ZPBP: variants seen among roughly 807,000 people sequenced by gnomAD.
ZPBP encodes the protein zona pellucida-binding protein 1.
Under a neutral mutation model 44.8 loss-of-function variants are expected in ZPBP, and 26 were observed. That is an observed-to-expected ratio of 0.58 (90% CI 0.43 to 0.81). ZPBP has a LOEUF of 0.81. ZPBP is among the 30% of genes least tolerant of loss of function. ZPBP has a pLI of 0.00. For missense variants in ZPBP, 409 were observed against 434.0 expected (o/e 0.94, Z 0.51); for synonymous variants, 174 against 153.2 (o/e 1.14, Z -1.00).
At chr7:50,014,557 C>T (rs931049882) in intron 6 of ZPBP, among the ~76,000 whole-genome samples, 12 of 150,714 alleles carry the variant, frequency 8.0e-5, no homozygotes, top group South Asian at 2.1e-4. Flanking sequence ...CTTCACCTCC[C>T]GGGTTCAAGT....
At chr7:50,016,939 T>C (rs1329395381) in intron 6 of ZPBP, among the ~76,000 whole-genome samples, 8 of 152,076 alleles carry the variant, frequency 5.3e-5, no homozygotes, top group South Asian at 2.1e-4. Context: ...TAAATGAAGA[T>C]ATGAGATAAT....
At chr7:49,990,619 TG>T (rs57607905) in intron 6 of ZPBP, among the ~76,000 whole-genome samples, 4,119 of 150,982 alleles carry the variant, frequency 0.027, 211 homozygotes, top group African/African-American at 0.095. Context: ...TAAGTATATA[TG>T]GGGGGGGACT....
chr7:49,987,970 G>T (rs1361402139), intron 6 of ZPBP, among the ~76,000 whole-genome samples: 1 of 152,084 alleles, frequency 6.6e-6, no homozygotes, highest in Non-Finnish European at 1.5e-5. Context: ...AGGGTTAAAG[G>T]ACTGTTTTGA....
At chr7:49,922,562 C>T (rs544959831) in intron 1 of ZPBP, among the ~76,000 whole-genome samples, 12 of 152,246 alleles carry the variant, frequency 7.9e-5, no homozygotes, top group East Asian at 3.9e-4. Context: ...ACCAGACCAA[C>T]GGCTGGAAAA....
intron 3 of ZPBP, among the ~76,000 whole-genome samples, chr7:50,058,871 CT>C (rs11325197): frequency 0.83 from 125,655 of 151,640 alleles, 52,098 homozygotes; most frequent in East Asian, 0.88. Flanking sequence ...GGCATTGACA[CT>C]TGGGGTTTGA....
At chr7:49,887,344 T>A (rs1031093816) in intron 2 of ZPBP, among the ~76,000 whole-genome samples, 3 of 152,244 alleles carry the variant, frequency 2.0e-5, no homozygotes, top group South Asian at 4.1e-4. Flanking sequence ...ATTTGTTTTA[T>A]GTTTGCCTCC....
chr7:49,883,953 C>G (rs1791787336), intron 2 of ZPBP, among the ~76,000 whole-genome samples: 1 of 152,212 alleles, frequency 6.6e-6, no homozygotes, highest in Non-Finnish European at 1.5e-5. Context: ...AGCAATCCCC[C>G]TTAGGTGTGA....
At chr7:49,957,136 A>G (rs1795637316) in intron 7 of ZPBP, among the ~76,000 whole-genome samples, 1 of 152,106 alleles carries the variant, frequency 6.6e-6, no homozygotes, top group East Asian at 1.9e-4. Context: ...TTCCATCATA[A>G]GGTTACACAA....
chr7:49,852,590 CTTTT>C (rs1454402053), intron 2 of ZPBP, among the ~76,000 whole-genome samples: 1 of 151,612 alleles, frequency 6.6e-6, no homozygotes, highest in Non-Finnish European at 1.5e-5. Flanking sequence ...GTTTCTGTGG[CTTTT>C]TGAGAAGTGA....
chr7:50,082,329 T>C (rs1584194347), intron 2 of ZPBP, among the ~76,000 whole-genome samples: 1 of 151,908 alleles, frequency 6.6e-6, no homozygotes, highest in African/African-American at 2.4e-5. Flanking sequence ...TTCACAATGA[T>C]GTAGCATGAT....
intron 7 of ZPBP, among the ~76,000 whole-genome samples, chr7:49,957,607 G>A (rs887319373): frequency 1.1e-4 from 16 of 152,174 alleles, no homozygotes; most frequent in Non-Finnish European, 2.2e-4. Flanking sequence ...TCTTCAGGCA[G>A]GCAGAATGCA....
At chr7:50,068,757 G>A (rs1174019914) in intron 3 of ZPBP, among the ~76,000 whole-genome samples, 2 of 152,102 alleles carry the variant, frequency 1.3e-5, no homozygotes, top group Non-Finnish European at 2.9e-5. Flanking sequence ...ATTTATGCCT[G>A]GTATCTCCTT....
At chr7:50,083,126 T>C (rs145752145) in intron 2 of ZPBP, among the ~76,000 whole-genome samples, 178 of 151,968 alleles carry the variant, frequency 1.2e-3, no homozygotes, top group Non-Finnish European at 1.7e-3. Context: ...ATACCATGAC[T>C]GTACCCTTCC....
At chr7:49,943,140 T>G (rs376534094) in intron 7 of ZPBP, 65 of 327,234 alleles carry the variant, frequency 2.0e-4, no homozygotes, top group African/African-American at 8.0e-4. Flanking sequence ...TACTCCACCC[T>G]TTAGTAACTT....
chr7:49,865,215 G>C (rs1049773921), intron 2 of ZPBP, among the ~76,000 whole-genome samples: 1 of 152,170 alleles, frequency 6.6e-6, no homozygotes, highest in Non-Finnish European at 1.5e-5. Flanking sequence ...TGTGGTCCGT[G>C]GGGTAGGAGA....
chr7:50,019,073 T>A (rs1798957961), intron 5 of ZPBP, among the ~76,000 whole-genome samples: 1 of 152,032 alleles, frequency 6.6e-6, no homozygotes. Flanking sequence ...TAAACACAGG[T>A]ATAATGTAAA....
intron 4 of ZPBP, among the ~76,000 whole-genome samples, chr7:50,054,066 T>C (rs1029994800): frequency 6.6e-5 from 10 of 152,124 alleles, no homozygotes; most frequent in African/African-American, 2.4e-4. Flanking sequence ...TTTTTTTGTA[T>C]TTTTAGTAGA....
chr7:50,081,951 T>G, intron 2 of ZPBP, 52 bp from the exon 3 acceptor site: 3 of 1,589,874 alleles, frequency 1.9e-6, no homozygotes, highest in Non-Finnish European at 2.6e-6. Context: ...TTCTTTTCTT[T>G]CTCTATAATG....
chr7:49,977,926 T>C (rs1191646162), intron 7 of ZPBP, among the ~76,000 whole-genome samples: 1 of 152,134 alleles, frequency 6.6e-6, no homozygotes, highest in African/African-American at 2.4e-5. Flanking sequence ...TCCTAAACGT[T>C]GGATATGTTT....
Sources: allele counts gnomAD v4.1 joint callset (sites outside exome capture counted in the v4.1 genomes callset), GRCh38; gene constraint gnomAD v4.1.1; transcripts MANE v1.5; gene names NCBI Gene and HGNC (gene_info 2026-07-23, HGNC 2026-07-21).